Variants in ZBTB8B observed in about 807,000 individuals in gnomAD.
ZBTB8B encodes zinc finger and BTB domain-containing protein 8B.
ZBTB8B carries 17 observed loss-of-function variants against 30.3 expected under a neutral mutation model. The observed-to-expected ratio is 0.56, with a 90% CI of 0.38 to 0.84. The LOEUF is 0.84. Ranked by LOEUF, ZBTB8B falls within the 40% of genes least tolerant of loss-of-function variation. The pLI, the probability that ZBTB8B is intolerant of heterozygous loss-of-function variation, is 0.00. For synonymous variants in ZBTB8B, 248 were observed against 255.6 expected (o/e 0.97, Z 0.28); for missense variants, 515 against 644.9 (o/e 0.80, Z 2.18).
intron 1 of ZBTB8B, among the ~76,000 whole-genome samples, chr1:32,466,771 T>G (rs1177715982): frequency 6.6e-6 from 1 of 152,198 alleles, no homozygotes; most frequent in East Asian, 1.9e-4. Context: ...GGAAGTGCCC[T>G]GGGAAGAGCC....
chr1:32,494,996 A>G lies in ZBTB8B; in HGVS notation c.*9578A>G, dbSNP rs1179506270. The G allele has an allele frequency of 6.6e-6, 1 of 152,034 alleles. No homozygotes were observed. The highest frequency in any genetic ancestry group is 2.4e-5 in the African/African-American group (1 of 41,380). The allele number at this position is 152,034 out of a possible 1,614,324, so 9.4% of individuals were successfully genotyped here. On this transcript the variant is annotated 3_prime_UTR_variant, in exon 4 of 4. Coordinates refer to ENST00000609129, the MANE Select transcript of ZBTB8B (RefSeq NM_001145720.2). Reference sequence around the variant, plus strand: ...GTATTTTTAGAAGAGATGGGGTTTCATTTTGGTCAGGCTGGTCTCGAACTC... The same window carrying G: ...GTATTTTTAGAAGAGATGGGGTTTCGTTTTGGTCAGGCTGGTCTCGAACTC...
At position 32,485,179 on chromosome 1, in the gene ZBTB8B, C is replaced by T. The variant is rs767613317; in HGVS notation, c.1249C>T (p.Arg417Cys). The T allele has an allele frequency of 1.4e-5, 21 of 1,551,868 alleles. 1 individual carries two copies. The South Asian group carries it at 1.5e-4, about 11-fold the overall frequency. Residue 417 changes from arginine to cysteine, a missense_variant, in exon 4 of 4, where the codon CGC becomes TGC. Arg to Cys is a radical substitution (Grantham distance 180). Around this residue, in one of 3 missense-constraint regions of ZBTB8B, gnomAD observed 429 missense variants for 504.3 expected, o/e 0.85. Coordinates refer to ENST00000609129, the MANE Select transcript of ZBTB8B (RefSeq NM_001145720.2). ...GAGTCACCTGTCCCAGGGGCTGCGG[C>T]GCTTCGGGCTGTGTGACAGCTGCAC... ...FTSHLSQGLR[R>C]FGLCDSCTCV...
At position 32,471,122 on chromosome 1, in the gene ZBTB8B, G is replaced by A; in HGVS notation, c.498G>A (p.Glu166=). 1 of 1,551,700 alleles carries A rather than the reference G, an allele frequency of 6.4e-7. No individual in the cohort carries two copies. Among genetic ancestry groups the A allele is most frequent in the Non-Finnish European group, 8.7e-7 (1 of 1,147,006 alleles). Reference sequence around the variant, plus strand: ...GTGAAAGCCCCAGTTCAGGCCGGGAGGGGACCTCCTGTGGTACCAAGAGCT... The same window carrying A: ...GTGAAAGCCCCAGTTCAGGCCGGGAAGGGACCTCCTGTGGTACCAAGAGCT... ...VDSESPSSGR[E]GTSCGTKSLV... Residue 166 remains glutamate (E), a synonymous_variant, in exon 2 of 4, where the codon GAG becomes GAA. Coordinates refer to ENST00000609129, the MANE Select transcript of ZBTB8B (RefSeq NM_001145720.2).
At chr1:32,482,161 T>G (rs1483606811) in intron 3 of ZBTB8B, among the ~76,000 whole-genome samples, 1 of 151,880 alleles carries the variant, frequency 6.6e-6, no homozygotes, top group Non-Finnish European at 1.5e-5. Flanking sequence ...TTTTTGTTGT[T>G]GTTGTTTTTT....
Position 32,470,660 on chromosome 1 carries a change from G to A in ZBTB8B, c.36G>A (p.Gly12=). 6.4e-7 allele frequency: 1 copy of A among 1,551,574 alleles called. No individual in the cohort carries two copies. Among genetic ancestry groups the A allele is most frequent in the Non-Finnish European group, 8.7e-7 (1 of 1,146,962 alleles). ...EMQSYYAKLL[G]ELNEQRKRDF... ...AATCCTATTATGCCAAGCTTTTGGG[G>A]GAGCTGAATGAACAGAGAAAGAGGG... Residue 12 remains glycine, a synonymous_variant, in exon 2 of 4, where the codon GGG becomes GGA. Coordinates refer to ENST00000609129, the MANE Select transcript of ZBTB8B (RefSeq NM_001145720.2).
At position 32,492,381 on chromosome 1, in the gene ZBTB8B, C is replaced by G. The variant is rs1428542782; in HGVS notation, c.*6963C>G. On this transcript the variant is annotated 3_prime_UTR_variant, in exon 4 of 4. Coordinates refer to ENST00000609129, the MANE Select transcript of ZBTB8B (RefSeq NM_001145720.2). ...GCAGTGGTGCAATCTCGGCTCACCA[C>G]AACCTCCGCCTCCTGGATTGAAGCG... is the stretch of plus-strand genomic sequence containing the variant. 1 of 150,404 alleles carries G rather than the reference C, an allele frequency of 6.6e-6. No homozygotes were observed. 9.3% of individuals were successfully genotyped at this position (150,404 alleles called of 1,614,324 possible).
At chr1:32,467,743 A>G (rs1643582613) in intron 1 of ZBTB8B, among the ~76,000 whole-genome samples, 1 of 152,192 alleles carries the variant, frequency 6.6e-6, no homozygotes, top group African/African-American at 2.4e-5. Flanking sequence ...GGGCCAGGAC[A>G]TAAATAATAA....
Position 32,490,201 on chromosome 1 carries a change from G to A in ZBTB8B, c.*4783G>A, listed in dbSNP as rs1172629910. On this transcript the variant is annotated 3_prime_UTR_variant, in exon 4 of 4. Transcript: ENST00000609129. ...AAGAGAATGATCTCTGTGAAGTCTAGTGTAATGGGGTAGGGAGGGGCAAAG... is the reference window on the plus strand; with the variant it reads ...AAGAGAATGATCTCTGTGAAGTCTAATGTAATGGGGTAGGGAGGGGCAAAG... The A allele has an allele frequency of 6.6e-6, 1 of 152,232 alleles. No individual in the cohort carries two copies. Among genetic ancestry groups the A allele is most frequent in the African/African-American group, 2.4e-5 (1 of 41,446 alleles). The allele number at this position is 152,232 out of a possible 1,614,324, so 9.4% of individuals were successfully genotyped here.
rs369548777 is a variant in ZBTB8B, at chr1:32,471,023, T to C, written c.399T>C (p.Ala133=). The stretch of plus-strand genomic sequence containing the variant: ...GCCGAAAGATGGAGAAGGAGGCTGC[T>C]GTGGCTGCAGCAGTGGCGGCGGCAG... The part of the protein sequence containing the change: ...DICRKMEKEA[A]VAAAVAAAAA... Residue 133 remains alanine, a synonymous_variant, in exon 2 of 4, where the codon GCT becomes GCC. Transcript: ENST00000609129. 584 of 1,551,666 alleles carry C rather than the reference T, an allele frequency of 3.8e-4. 2 individuals carry two copies. The African/African-American group carries it at 4.5e-3, about 12-fold the overall frequency.
chr1:32,471,521 C>G lies in ZBTB8B; in HGVS notation c.897C>G (p.His299Gln). The G allele has an allele frequency of 6.4e-7, 1 of 1,551,800 alleles. No individual in the cohort carries two copies. Among genetic ancestry groups the G allele is most frequent in the Non-Finnish European group, 8.7e-7 (1 of 1,147,032 alleles). ...AAPSKDDADH[H>Q]FSRSLEGRPE... ...CGAGCAAGGATGATGCAGACCATCA[C>G]TTTTCTAGGAGTTTGGAAGGAAGAC... Residue 299 changes from histidine to glutamine, a missense_variant, in exon 2 of 4, where the codon CAC becomes CAG. Physicochemically the swap from His to Gln is conservative, Grantham distance 24. Around this residue, in one of 3 missense-constraint regions of ZBTB8B, gnomAD observed 429 missense variants for 504.3 expected, o/e 0.85. Transcript: ENST00000609129.
Position 32,495,893 on chromosome 1 carries a change from T to G in ZBTB8B, c.*10475T>G, listed in dbSNP as rs955789176. The G allele has an allele frequency of 1.3e-5, 2 of 151,088 alleles. No individual in the cohort carries two copies. Among genetic ancestry groups the G allele is most frequent in the Non-Finnish European group, 3.0e-5 (2 of 67,732 alleles). The allele number at this position is 151,088 out of a possible 1,614,324, so 9.4% of individuals were successfully genotyped here. A position where few individuals can be genotyped will look rare whatever the true frequency, so the allele number is the denominator to read the frequency against. On this transcript the variant is annotated 3_prime_UTR_variant, in exon 4 of 4. Transcript: ENST00000609129. ...TGAGACCCTGTCTCAAAAAAAAAGG[T>G]TTTTTTTTAATTGAATGAATGCAAT...
rs1307523592 is a variant in ZBTB8B, at chr1:32,493,598, A to T, written c.*8180A>T. The T allele has an allele frequency of 6.6e-6, 1 of 151,586 alleles. No homozygotes were observed. The highest frequency in any genetic ancestry group is 1.5e-5 in the Non-Finnish European group (1 of 67,902). 9.4% of individuals were successfully genotyped at this position (151,586 alleles called of 1,614,324 possible). On this transcript the variant is annotated 3_prime_UTR_variant, in exon 4 of 4. Coordinates refer to ENST00000609129, the MANE Select transcript of ZBTB8B (RefSeq NM_001145720.2). ...AACATGGTGAAACTCCGTCTCTACT[A>T]AAAATACAAAACAGGAGAATCGCTT...
intron 2 of ZBTB8B, among the ~76,000 whole-genome samples, chr1:32,477,440 A>G (rs1196561546): frequency 6.6e-6 from 1 of 152,206 alleles, no homozygotes; most frequent in African/African-American, 2.4e-5. Context: ...TATTTTTCCC[A>G]AGGACTTATG....
Position 32,485,644 on chromosome 1 carries a change from T to A in ZBTB8B, c.*226T>A. On this transcript the variant is annotated 3_prime_UTR_variant, in exon 4 of 4. Transcript: ENST00000609129. ...GGTTTCTGAGGGCTTTGCTGGCCAC[T>A]CCTTAATTCTGAGTGAGTCAAAGCA... The A allele has an allele frequency of 1.8e-6, 1 of 543,856 alleles. No homozygotes were observed. Among genetic ancestry groups the A allele is most frequent in the Non-Finnish European group, 3.3e-6 (1 of 305,704 alleles). The allele number at this position is 543,856 out of a possible 1,614,324, so 33.7% of individuals were successfully genotyped here.
In ZBTB8B at chr1:32,492,703, G is replaced by C. The variant is rs1457991016; in HGVS notation, c.*7285G>C. 2.0e-5 allele frequency: 3 copies of C among 152,218 alleles called. No individual in the cohort carries two copies. Among genetic ancestry groups the C allele is most frequent in the African/African-American group, 7.2e-5 (3 of 41,428 alleles). 9.4% of individuals were successfully genotyped at this position (152,218 alleles called of 1,614,324 possible). A position where few individuals can be genotyped will look rare whatever the true frequency, so the allele number is the denominator to read the frequency against. On this transcript the variant is annotated 3_prime_UTR_variant, in exon 4 of 4. Coordinates refer to ENST00000609129, the MANE Select transcript of ZBTB8B (RefSeq NM_001145720.2). ...GTGAAGATGGCTGGTTACTCATTCA[G>C]TAGTTATCAAACAATTATTTATGGA...
chr1:32,467,113 T>C, intron 1 of ZBTB8B, among the ~76,000 whole-genome samples: 1 of 152,088 alleles, frequency 6.6e-6, no homozygotes, highest in East Asian at 1.9e-4. Context: ...ACTGTGATCA[T>C]GGACTGCACT....
In ZBTB8B at chr1:32,471,040, C is replaced by T. The variant is rs1198713103; in HGVS notation, c.416C>T (p.Ala139Val). 2.3e-5 allele frequency: 36 copies of T among 1,549,870 alleles called. No individual in the cohort carries two copies. Among genetic ancestry groups the T allele is most frequent in the Non-Finnish European group, 2.5e-5 (29 of 1,146,306 alleles). Reference sequence around the variant, plus strand: ...GAGGCTGCTGTGGCTGCAGCAGTGGCGGCGGCAGCGGCGGCGGCTGCAGCG... The same window carrying T: ...GAGGCTGCTGTGGCTGCAGCAGTGGTGGCGGCAGCGGCGGCGGCTGCAGCG... ...EKEAAVAAAV[A>V]AAAAAAAAAA... Residue 139 changes from alanine to valine, a missense_variant, in exon 2 of 4, where the codon GCG becomes GTG. Physicochemically the swap from Ala to Val is moderately conservative, Grantham distance 64 (BLOSUM62 0). This residue lies in a region of ZBTB8B where 429 missense variants were observed against 504.3 expected (regional missense o/e 0.85). Transcript: ENST00000609129.
At chr1:32,473,606 G>A (rs928939374) in intron 2 of ZBTB8B, among the ~76,000 whole-genome samples, 13 of 148,894 alleles carry the variant, frequency 8.7e-5, no homozygotes, top group East Asian at 2.0e-4. Context: ...TCGACCTCCC[G>A]AGCTCAAGTG....
Position 32,494,183 on chromosome 1 carries a change from C to CAAAAAAAAAAAAAAAAAAAAAAAAAAA in ZBTB8B, c.*8789_*8790insAAAAAAAAAAAAAAAAAAAAAAAAAAA. ...GGGCAACGAGAGCAAAACTCCATCTCAAAAAAAAAAAAAAAAAAAAAAAAG... is the reference window on the plus strand; with the variant it reads ...GGGCAACGAGAGCAAAACTCCATCTCAAAAAAAAAAAAAAAAAAAAAAAAAAAAAAAAAAAAAAAAAAAAAAAAAAAG... On this transcript the variant is annotated 3_prime_UTR_variant, in exon 4 of 4. Transcript: ENST00000609129. The CAAAAAAAAAAAAAAAAAAAAAAAAAAA allele has an allele frequency of 2.1e-5, 1 of 48,004 alleles. No individual in the cohort carries two copies. Among genetic ancestry groups the CAAAAAAAAAAAAAAAAAAAAAAAAAAA allele is most frequent in the Non-Finnish European group, 3.9e-5 (1 of 25,500 alleles). 3.0% of individuals were successfully genotyped at this position (48,004 alleles called of 1,614,324 possible). A position where few individuals can be genotyped will look rare whatever the true frequency, so the allele number is the denominator to read the frequency against.
Sources: gnomAD v4.1 joint callset for allele counts (sites outside exome capture counted in the v4.1 genomes callset) on GRCh38, gnomAD v4.1.1 for gene constraint, gnomAD v4.1.1 regional missense constraint, MANE v1.5 for transcripts, NCBI Gene and HGNC (gene_info 2026-07-23, HGNC 2026-07-21) for gene names.